MIS18A: variants seen among roughly 807,000 people sequenced by gnomAD.
MIS18A encodes MIS18 kinetochore protein A, also known as protein Mis18-alpha.
In MIS18A, 14 loss-of-function variants were observed where a neutral mutation model predicts 25.0. The observed-to-expected ratio is 0.56, with a 90% CI of 0.37 to 0.88. MIS18A has a LOEUF of 0.88. MIS18A is among the 40% of genes least tolerant of loss of function. MIS18A has a pLI of 0.00. For missense variants in MIS18A, 292 were observed against 290.8 expected (o/e 1.00, Z -0.03); for synonymous variants, 134 against 118.6 (o/e 1.13, Z -0.84).
At chr21:32,277,812 T>C (rs906550923) in intron 1 of MIS18A, 2 of 152,156 alleles carry the variant, frequency 1.3e-5, no homozygotes, top group Admixed American at 1.3e-4. Flanking sequence ...TGCAAAGAGT[T>C]AATCTCAACT....
At chr21:32,181,024 G>A in the MIS18A span, among the ~76,000 whole-genome samples, 2 of 152,158 alleles carry the variant, frequency 1.3e-5, no homozygotes, top group Non-Finnish European at 2.9e-5. Context: ...GGGTGTGTCT[G>A]GAAGGTTGTT....
the MIS18A span, among the ~76,000 whole-genome samples, chr21:32,162,797 C>T: frequency 6.6e-6 from 1 of 152,108 alleles, no homozygotes; most frequent in African/African-American, 2.4e-5. Context: ...CGTACAGCTC[C>T]CGAAAGTGAA....
the MIS18A span, among the ~76,000 whole-genome samples, chr21:32,157,113 T>C: frequency 6.7e-6 from 1 of 148,174 alleles, no homozygotes; most frequent in South Asian, 2.2e-4. Context: ...TGGAGTGCAG[T>C]GGCGTGATCT....
chr21:32,196,633 T>G, the MIS18A span, among the ~76,000 whole-genome samples: 1 of 152,064 alleles, frequency 6.6e-6, no homozygotes. Flanking sequence ...TTTTGTATTT[T>G]TGTAGAGATG....
the MIS18A span, among the ~76,000 whole-genome samples, chr21:32,233,800 C>T: frequency 4.6e-5 from 7 of 152,160 alleles, no homozygotes; most frequent in Admixed American, 1.3e-4. Flanking sequence ...CACTCTGCCC[C>T]TGGCCATGGC....
chr21:32,272,373 C>G (rs191801405), intron 2 of MIS18A, among the ~76,000 whole-genome samples: 1 of 152,202 alleles, frequency 6.6e-6, no homozygotes, highest in Admixed American at 6.5e-5. Context: ...CAAAGCAACA[C>G]GGGAGTGTGC....
rs749236602 is a variant in MIS18A, at chr21:32,279,027, G to C, written c.-13C>G. On this transcript the variant is annotated 5_prime_UTR_variant, in exon 1 of 5. Coordinates refer to ENST00000290130, the MANE Select transcript of MIS18A (RefSeq NM_018944.3). Reference sequence around the variant, plus strand: ...GAACGCCTGCCATTACCTACAAATCGCCCGCGCCCCAGAGCGCCATGGGAA... The same window carrying C: ...GAACGCCTGCCATTACCTACAAATCCCCCGCGCCCCAGAGCGCCATGGGAA... The C allele has an allele frequency of 6.3e-7, 1 of 1,577,786 alleles. No homozygotes were observed. Among genetic ancestry groups the C allele is most frequent in the South Asian group, 1.1e-5 (1 of 90,038 alleles).
the MIS18A span, among the ~76,000 whole-genome samples, chr21:32,207,000 G>A: frequency 2.0e-5 from 3 of 152,236 alleles, no homozygotes; most frequent in East Asian, 3.9e-4. Flanking sequence ...TCCCCTGCAC[G>A]CCCCTTTCCT....
chr21:32,199,739 C>T, the MIS18A span, among the ~76,000 whole-genome samples: 9 of 152,060 alleles, frequency 5.9e-5, no homozygotes, highest in South Asian at 2.1e-4. Context: ...ATCCAGGAGG[C>T]GGAGGTTGCA....
At chr21:32,257,649 C>G in the MIS18A span, among the ~76,000 whole-genome samples, 3 of 151,976 alleles carry the variant, frequency 2.0e-5, no homozygotes, top group Admixed American at 2.0e-4. Context: ...AAAAGGAAAC[C>G]TACGGAGCAT....
At chr21:32,255,043 C>T in the MIS18A span, among the ~76,000 whole-genome samples, 1 of 152,260 alleles carries the variant, frequency 6.6e-6, no homozygotes, top group South Asian at 2.1e-4. Context: ...AGAATATGCA[C>T]AGCAAGCTGT....
At chr21:32,227,911 G>A in the MIS18A span, among the ~76,000 whole-genome samples, 1 of 152,066 alleles carries the variant, frequency 6.6e-6, no homozygotes, top group Non-Finnish European at 1.5e-5. Context: ...ATCAAGCAAT[G>A]CAATATGTCA....
At chr21:32,200,924 G>A in the MIS18A span, among the ~76,000 whole-genome samples, 1 of 152,120 alleles carries the variant, frequency 6.6e-6, no homozygotes, top group Non-Finnish European at 1.5e-5. Flanking sequence ...AGAGGATGAC[G>A]AAGTCAACCT....
chr21:32,196,483 CAG>C, the MIS18A span, among the ~76,000 whole-genome samples: 165 of 139,058 alleles, frequency 1.2e-3, 1 homozygote, highest in Admixed American at 5.7e-3. Context: ...TTTTTTGAGG[CAG>C]AGTCTCTCTC....
At position 32,268,699 on chromosome 21, in the gene MIS18A, C is replaced by G. The variant is rs1444770964; in HGVS notation, c.*338G>C. ...AATCAAAACTCCTAAGTCCCAATTC[C>G]AACAAGTACCATAAAACGTCTTTAA... On this transcript the variant is annotated 3_prime_UTR_variant, in exon 5 of 5. Transcript: ENST00000290130. 1 of 172,828 alleles carries G rather than the reference C, an allele frequency of 5.8e-6. No individual in the cohort carries two copies. The highest frequency in any genetic ancestry group is 1.5e-4 in the East Asian group (1 of 6,798). 10.7% of individuals were successfully genotyped at this position (172,828 alleles called of 1,614,324 possible). A position where few individuals can be genotyped will look rare whatever the true frequency, so the allele number is the denominator to read the frequency against.
At chr21:32,258,167 G>A in the MIS18A span, among the ~76,000 whole-genome samples, 1 of 152,150 alleles carries the variant, frequency 6.6e-6, no homozygotes, top group Admixed American at 6.5e-5. Flanking sequence ...AAGCATTGGG[G>A]GAGGGGATTT....
chr21:32,202,610 T>C, the MIS18A span, among the ~76,000 whole-genome samples: 30 of 152,170 alleles, frequency 2.0e-4, no homozygotes, highest in Non-Finnish European at 3.1e-4. Context: ...AGCTGAAACT[T>C]TGTACTGATT....
downstream of MIS18A, among the ~76,000 whole-genome samples, chr21:32,264,910 C>T (rs145883244): frequency 1.3e-5 from 2 of 152,320 alleles, no homozygotes; most frequent in African/African-American, 4.8e-5. Flanking sequence ...GACTGGAGAA[C>T]TTGCCAAGGA....
the MIS18A span, among the ~76,000 whole-genome samples, chr21:32,256,662 C>T: frequency 6.6e-6 from 1 of 152,198 alleles, no homozygotes; most frequent in Non-Finnish European, 1.5e-5. Flanking sequence ...GGGACTGTCC[C>T]TTGCCCCTTT....
Sources: allele counts gnomAD v4.1 joint callset (sites outside exome capture counted in the v4.1 genomes callset), GRCh38; gene constraint gnomAD v4.1.1; transcripts MANE v1.5; gene names NCBI Gene and HGNC (gene_info 2026-07-23, HGNC 2026-07-21).